MAGI2: variants seen among roughly 807,000 people sequenced by gnomAD.
The protein encoded by MAGI2 is membrane associated guanylate kinase, WW and PDZ domain containing 2.
In MAGI2, 35 loss-of-function variants were observed where a neutral mutation model predicts 133.3. That is an observed-to-expected ratio of 0.26 (90% CI 0.20 to 0.35). The LOEUF (loss-of-function observed/expected upper bound fraction) is 0.35. MAGI2 is among the 10% of genes least tolerant of loss of function. The pLI is 1.00. For missense variants in MAGI2, 1,636 were observed against 1,863.4 expected (o/e 0.88, Z 2.25); for synonymous variants, 729 against 710.6 (o/e 1.03, Z -0.41).
chr7:79,378,914 A>G (rs1236957079), intron 1 of MAGI2, among the ~76,000 whole-genome samples: 5 of 84,272 alleles, frequency 5.9e-5, no homozygotes, highest in African/African-American at 1.3e-4. Flanking sequence ...TTATATATAT[A>G]TATGTGTGTG....
intron 3 of MAGI2, among the ~76,000 whole-genome samples, chr7:78,592,306 T>C (rs1422628261): frequency 2.0e-5 from 3 of 152,126 alleles, no homozygotes; most frequent in Non-Finnish European, 2.9e-5. Context: ...CAAACATTTT[T>C]TTCTGTAAAG....
chr7:78,431,358 G>A (rs1217797042), intron 6 of MAGI2, among the ~76,000 whole-genome samples: 1 of 151,914 alleles, frequency 6.6e-6, no homozygotes, highest in Non-Finnish European at 1.5e-5. Flanking sequence ...TGCTATTTAG[G>A]GAGAGGAAGC....
intron 1 of MAGI2, among the ~76,000 whole-genome samples, chr7:79,431,049 G>A (rs189410921): frequency 6.6e-6 from 1 of 152,188 alleles, no homozygotes; most frequent in African/African-American, 2.4e-5. Context: ...CTTCACTCAG[G>A]CTGGAAATAA....
At chr7:79,265,961 T>G (rs1193343672) in intron 1 of MAGI2, among the ~76,000 whole-genome samples, 1 of 152,212 alleles carries the variant, frequency 6.6e-6, no homozygotes, top group African/African-American at 2.4e-5. Context: ...GCAATTTTAC[T>G]TATCAATAAT....
intron 20 of MAGI2, among the ~76,000 whole-genome samples, chr7:78,111,289 G>T (rs3807735): frequency 1.3e-5 from 2 of 151,930 alleles, no homozygotes; most frequent in African/African-American, 4.8e-5. Context: ...AAACTTTCTC[G>T]TTCTTTTCCA....
intron 9 of MAGI2, among the ~76,000 whole-genome samples, chr7:78,297,986 T>A (rs201961014): frequency 1.3e-5 from 2 of 148,194 alleles, no homozygotes; most frequent in African/African-American, 2.5e-5. Flanking sequence ...AAAGTATAAT[T>A]AAAAAAAAAG....
chr7:79,154,298 G>T (rs1027657557), intron 1 of MAGI2, among the ~76,000 whole-genome samples: 1 of 152,174 alleles, frequency 6.6e-6, no homozygotes, highest in Non-Finnish European at 1.5e-5. Flanking sequence ...TGACAAAAGA[G>T]CAAAGAAAAC....
intron 2 of MAGI2, among the ~76,000 whole-genome samples, chr7:78,805,568 C>T (rs577978137): frequency 1.3e-5 from 2 of 152,202 alleles, no homozygotes; most frequent in African/African-American, 4.8e-5. Flanking sequence ...TCCAAATGGC[C>T]CCAATGATCC....
intron 10 of MAGI2, among the ~76,000 whole-genome samples, chr7:78,225,727 G>A (rs1360277573): frequency 6.6e-6 from 1 of 152,192 alleles, no homozygotes; most frequent in Admixed American, 6.5e-5. Flanking sequence ...ACCAGAGAGA[G>A]GTCAATTTCT....
intron 1 of MAGI2, among the ~76,000 whole-genome samples, chr7:79,090,936 C>T (rs571902219): frequency 2.6e-5 from 4 of 152,028 alleles, no homozygotes; most frequent in Non-Finnish European, 4.4e-5. Flanking sequence ...CAGTGTACAG[C>T]TCAGCACCTA....
chr7:78,909,463 C>T (rs1466193470), intron 2 of MAGI2, among the ~76,000 whole-genome samples: 7 of 150,032 alleles, frequency 4.7e-5, no homozygotes, highest in African/African-American at 4.9e-5. Context: ...ATTAGCCAGG[C>T]GTGGTGGCAG....
intron 1 of MAGI2, among the ~76,000 whole-genome samples, chr7:79,216,639 A>G (rs1429513280): frequency 2.0e-5 from 3 of 152,074 alleles, no homozygotes; most frequent in Non-Finnish European, 4.4e-5. Context: ...GGGTTTGAGC[A>G]GTGGCAGCAG....
chr7:78,160,412 G>T, intron 15 of MAGI2, 139 bp from the exon 16 acceptor site: 2 of 971,562 alleles, frequency 2.1e-6, no homozygotes, highest in East Asian at 3.0e-5. Context: ...CAGATTTGCA[G>T]AGCATTTGAA....
chr7:79,087,832 T>C (rs1816666968), intron 1 of MAGI2, among the ~76,000 whole-genome samples: 2 of 152,118 alleles, frequency 1.3e-5, no homozygotes, highest in African/African-American at 4.8e-5. Context: ...TTCTGAGGCC[T>C]CTGTTATGTT....
intron 2 of MAGI2, among the ~76,000 whole-genome samples, chr7:78,940,072 T>C (rs1317891703): frequency 1.3e-5 from 2 of 152,188 alleles, no homozygotes; most frequent in African/African-American, 4.8e-5. Flanking sequence ...ATGTGTGCCA[T>C]GCCAAAGCAC....
At chr7:78,411,658 C>T (rs531183195) in intron 6 of MAGI2, among the ~76,000 whole-genome samples, 1 of 152,116 alleles carries the variant, frequency 6.6e-6, no homozygotes, top group African/African-American at 2.4e-5. Context: ...TTGTGTGGAA[C>T]AACCAATAGT....
intron 6 of MAGI2, among the ~76,000 whole-genome samples, chr7:78,467,643 G>A (rs1376210108): frequency 1.3e-5 from 2 of 151,712 alleles, no homozygotes; most frequent in Admixed American, 6.6e-5. Flanking sequence ...TGAGATAAAA[G>A]CAACACCTCA....
intron 2 of MAGI2, among the ~76,000 whole-genome samples, chr7:78,811,449 G>T (rs192776488): frequency 6.6e-6 from 1 of 151,470 alleles, no homozygotes; most frequent in Non-Finnish European, 1.5e-5. Flanking sequence ...AATTTTATCC[G>T]GAATCTAGCA....
chr7:78,195,156 A>G, intron 11 of MAGI2, 93 bp from the exon 12 acceptor site: 2 of 1,051,288 alleles, frequency 1.9e-6, no homozygotes, highest in Non-Finnish European at 1.3e-6. Context: ...TGCCTTGTGG[A>G]CTTTTCTTCC....
Sources: gnomAD v4.1 joint callset for allele counts (sites outside exome capture counted in the v4.1 genomes callset) on GRCh38, gnomAD v4.1.1 for gene constraint, MANE v1.5 for transcripts, NCBI Gene and HGNC (gene_info 2026-07-23, HGNC 2026-07-21) for gene names.